Variants in KCNH5 observed in about 807,000 individuals in gnomAD.
KCNH5 encodes the protein voltage-gated delayed rectifier potassium channel KCNH5.
Under a neutral mutation model 96.1 loss-of-function variants are expected in KCNH5, and 46 were observed. The ratio of observed to expected loss-of-function variants is 0.48; its 90% CI spans 0.38 to 0.61. The LOEUF is 0.61. Among genes scored for constraint, KCNH5 ranks in the 20% least tolerant of loss-of-function variants. The probability of loss-of-function intolerance (pLI) is 0.00; values close to 1 mark genes in which losing one functional copy is unlikely to be tolerated. For synonymous variants in KCNH5, 439 were observed against 449.8 expected, an observed-to-expected ratio of 0.98 and a Z score of 0.30; for missense variants, 907 against 1,225.8, an observed-to-expected ratio of 0.74 and a Z score of 3.88.
chr14:62,730,759 T>C (rs1885031517), intron 10 of KCNH5, among the ~76,000 whole-genome samples: 1 of 152,180 alleles, frequency 6.6e-6, no homozygotes, highest in African/African-American at 2.4e-5. Flanking sequence ...AAATCTATCT[T>C]ACTGGTGGGC....
chr14:63,014,855 A>C (rs17100627), intron 2 of KCNH5, among the ~76,000 whole-genome samples: 59,084 of 151,852 alleles, frequency 0.39, 12,189 homozygotes, highest in East Asian at 0.52. Flanking sequence ...TCCAAGAATA[A>C]GAAATGCGAG....
At chr14:62,822,134 T>C (rs1243012740) in intron 8 of KCNH5, among the ~76,000 whole-genome samples, 3 of 152,070 alleles carry the variant, frequency 2.0e-5, no homozygotes, top group Non-Finnish European at 4.4e-5. Flanking sequence ...ATCAAGGAAT[T>C]TGTGGAGAGA....
intron 7 of KCNH5, among the ~76,000 whole-genome samples, chr14:62,939,228 C>A (rs1016652049): frequency 2.0e-5 from 3 of 152,158 alleles, no homozygotes; most frequent in Non-Finnish European, 2.9e-5. Flanking sequence ...TTGTTAGCAA[C>A]AGACTCTCCT....
intron 8 of KCNH5, among the ~76,000 whole-genome samples, chr14:62,817,092 T>C (rs907383546): frequency 4.4e-5 from 6 of 137,682 alleles, no homozygotes; most frequent in African/African-American, 1.6e-4. Flanking sequence ...ATATTATATA[T>C]TATATATAAT....
At chr14:62,792,534 T>C (rs1886456057) in intron 9 of KCNH5, among the ~76,000 whole-genome samples, 1 of 151,596 alleles carries the variant, frequency 6.6e-6, no homozygotes, top group African/African-American at 2.4e-5. Flanking sequence ...AGAAAGAGAA[T>C]GGCATATTAT....
At chr14:62,852,252 CCTATTGTG>C (rs1333285803) in intron 7 of KCNH5, among the ~76,000 whole-genome samples, 1 of 152,068 alleles carries the variant, frequency 6.6e-6, no homozygotes, top group Admixed American at 6.6e-5. Flanking sequence ...CCATAGTTGC[CCTATTGTG>C]CTACTGAACC....
chr14:62,831,680 T>C (rs1177613341), intron 8 of KCNH5, among the ~76,000 whole-genome samples: 9 of 152,180 alleles, frequency 5.9e-5, no homozygotes, highest in Non-Finnish European at 1.2e-4. Context: ...TTTTTTCACT[T>C]TTCTTGTAAT....
At chr14:62,748,318 T>C (rs1280293533) in intron 10 of KCNH5, among the ~76,000 whole-genome samples, 1 of 152,192 alleles carries the variant, frequency 6.6e-6, no homozygotes, top group Admixed American at 6.5e-5. Flanking sequence ...TTTGCAAGAA[T>C]CGATATTATT....
At chr14:62,975,145 G>C (rs1044846275) in intron 6 of KCNH5, among the ~76,000 whole-genome samples, 1 of 152,046 alleles carries the variant, frequency 6.6e-6, no homozygotes, top group Non-Finnish European at 1.5e-5. Context: ...CAAGGCACAA[G>C]ACTCCAGAAC....
At chr14:63,005,462 G>A (rs1030220154) in intron 3 of KCNH5, among the ~76,000 whole-genome samples, 1 of 152,202 alleles carries the variant, frequency 6.6e-6, no homozygotes, top group East Asian at 1.9e-4. Flanking sequence ...TCCTGTTGAA[G>A]CGAGAATGTT....
intron 10 of KCNH5, among the ~76,000 whole-genome samples, chr14:62,767,617 AAC>A (rs1451474809): frequency 6.6e-6 from 1 of 152,206 alleles, no homozygotes; most frequent in Non-Finnish European, 1.5e-5. Context: ...GTAGGAACTA[AAC>A]ACTGAGTACA....
intron 9 of KCNH5, among the ~76,000 whole-genome samples, chr14:62,786,392 T>C (rs940367597): frequency 6.6e-6 from 1 of 152,180 alleles, no homozygotes; most frequent in East Asian, 1.9e-4. Context: ...CTTCTTTTTT[T>C]AGTAAGTTTT....
chr14:62,785,671 G>A (rs1446852994), intron 9 of KCNH5, among the ~76,000 whole-genome samples: 6 of 152,076 alleles, frequency 3.9e-5, no homozygotes, highest in African/African-American at 1.4e-4. Flanking sequence ...ACAGGAAAAA[G>A]GATTGTAAAA....
intron 7 of KCNH5, among the ~76,000 whole-genome samples, chr14:62,944,618 A>G (rs1036346206): frequency 3.3e-5 from 5 of 152,144 alleles, no homozygotes; most frequent in African/African-American, 1.2e-4. Context: ...GAAAAAAATG[A>G]TACTATATTT....
chr14:62,947,256 T>C (rs1281914505), intron 7 of KCNH5, among the ~76,000 whole-genome samples: 1 of 152,214 alleles, frequency 6.6e-6, no homozygotes, highest in Non-Finnish European at 1.5e-5. Context: ...AAAAGTAGTA[T>C]GGTGCTAAAT....
intron 8 of KCNH5, among the ~76,000 whole-genome samples, chr14:62,832,507 C>A (rs1298584974): frequency 6.6e-6 from 1 of 152,058 alleles, no homozygotes; most frequent in Non-Finnish European, 1.5e-5. Context: ...TCCACTTATC[C>A]ATTCATGGGC....
intron 10 of KCNH5, among the ~76,000 whole-genome samples, chr14:62,745,888 G>A (rs933849643): frequency 2.0e-5 from 3 of 152,138 alleles, no homozygotes; most frequent in African/African-American, 4.8e-5. Flanking sequence ...TTGATATTTC[G>A]ATTGGTTCCT....
chr14:62,868,751 T>C (rs891170483), intron 7 of KCNH5, among the ~76,000 whole-genome samples: 1 of 152,166 alleles, frequency 6.6e-6, no homozygotes, highest in Non-Finnish European at 1.5e-5. Flanking sequence ...GTGTTCTCAT[T>C]GTTCAACTCC....
At chr14:62,806,917 G>A (rs2140003884) in intron 8 of KCNH5, among the ~76,000 whole-genome samples, 1 of 152,212 alleles carries the variant, frequency 6.6e-6, no homozygotes, top group South Asian at 2.1e-4. Context: ...GCATGTACAG[G>A]ATTGTGGGAT....
Sources: gnomAD v4.1 joint callset for allele counts (sites outside exome capture counted in the v4.1 genomes callset) on GRCh38, gnomAD v4.1.1 for gene constraint, MANE v1.5 for transcripts, NCBI Gene and HGNC (gene_info 2026-07-23, HGNC 2026-07-21) for gene names.